Variants in ZCCHC14 observed in about 807,000 individuals in gnomAD.
ZCCHC14 encodes zinc finger CCHC domain-containing protein 14.
ZCCHC14 carries 16 observed loss-of-function variants against 85.0 expected under a neutral mutation model. The observed-to-expected ratio is 0.19, with a 90% CI of 0.13 to 0.29. The LOEUF is 0.29. ZCCHC14 is among the 10% of genes least tolerant of loss of function. The pLI is 1.00. For missense variants in ZCCHC14, 1,303 were observed against 1,443.5 expected, an observed-to-expected ratio of 0.90 and a Z score of 1.58; for synonymous variants, 775 against 630.7, an observed-to-expected ratio of 1.23 and a Z score of -3.43.
intron 1 of ZCCHC14, among the ~76,000 whole-genome samples, chr16:87,478,121 A>C (rs1392250359): frequency 1.3e-5 from 2 of 152,248 alleles, no homozygotes; most frequent in Non-Finnish European, 2.9e-5. Flanking sequence ...TACACTATTA[A>C]TGGTATGCTG....
intron 2 of ZCCHC14, among the ~76,000 whole-genome samples, chr16:87,450,898 T>C (rs1033552811): frequency 6.6e-6 from 1 of 151,300 alleles, no homozygotes; most frequent in African/African-American, 2.4e-5. Flanking sequence ...GTGAACACCT[T>C]TTCCTTTTCT....
At chr16:87,462,143 G>A (rs1911293179) in intron 1 of ZCCHC14, among the ~76,000 whole-genome samples, 1 of 148,074 alleles carries the variant, frequency 6.8e-6, no homozygotes, top group African/African-American at 2.5e-5. Flanking sequence ...AAAAGTCCTA[G>A]CCATGCAGCA....
At chr16:87,483,052 AG>A (rs1248173497) in intron 1 of ZCCHC14, among the ~76,000 whole-genome samples, 1 of 152,134 alleles carries the variant, frequency 6.6e-6, no homozygotes, top group East Asian at 1.9e-4. Context: ...TTAAAAAAAA[AG>A]AAAAGAAAAC....
At chr16:87,423,383 T>C (rs1163716066) in intron 4 of ZCCHC14, among the ~76,000 whole-genome samples, 1 of 151,934 alleles carries the variant, frequency 6.6e-6, no homozygotes, top group African/African-American at 2.4e-5. Flanking sequence ...TCCAGTCTCT[T>C]AAAAAAATAA....
At chr16:87,430,179 G>T (rs896754657) in intron 3 of ZCCHC14, among the ~76,000 whole-genome samples, 1 of 152,196 alleles carries the variant, frequency 6.6e-6, no homozygotes, top group Non-Finnish European at 1.5e-5. Context: ...TTTGTTTTGG[G>T]TTTACATTTA....
At position 87,407,907 on chromosome 16, in the gene ZCCHC14, G is replaced by A. The variant is rs920537454; in HGVS notation, c.*2373C>T. 8 of 152,684 alleles carry A rather than the reference G, an allele frequency of 5.2e-5. No homozygotes were observed. The highest frequency in any genetic ancestry group is 1.2e-4 in the Non-Finnish European group (8 of 68,070). The allele number at this position is 152,684 out of a possible 1,614,324, so 9.5% of individuals were successfully genotyped here. A position where few individuals can be genotyped will look rare whatever the true frequency, so the allele number is the denominator to read the frequency against. ...CGGAAAGAGGCCTCACGGATGGGTGGTTCCATTTTCTCTGCGCTGTGTAGC... is the reference window on the plus strand; with the variant it reads ...CGGAAAGAGGCCTCACGGATGGGTGATTCCATTTTCTCTGCGCTGTGTAGC... On this transcript the variant is annotated 3_prime_UTR_variant, in exon 13 of 13. Transcript: ENST00000671377.
intron 3 of ZCCHC14, among the ~76,000 whole-genome samples, chr16:87,424,778 C>T (rs1437649985): frequency 6.6e-6 from 1 of 152,098 alleles, no homozygotes; most frequent in Non-Finnish European, 1.5e-5. Context: ...AAGTTAGCTA[C>T]AGGATTGAGA....
At chr16:87,468,162 T>C (rs1911615709) in intron 1 of ZCCHC14, among the ~76,000 whole-genome samples, 1 of 152,224 alleles carries the variant, frequency 6.6e-6, no homozygotes, top group Non-Finnish European at 1.5e-5. Context: ...TCATGTGTTT[T>C]TTTATATGAA....
intron 7 of ZCCHC14, 30 bp from the exon 8 acceptor site, chr16:87,417,772 G>GA: frequency 6.5e-7 from 1 of 1,536,978 alleles, no homozygotes; most frequent in Non-Finnish European, 8.7e-7. Context: ...GGGACACAGA[G>GA]AGACTGTGGC....
chr16:87,451,283 G>C (rs369523958), intron 2 of ZCCHC14, among the ~76,000 whole-genome samples: 1 of 150,090 alleles, frequency 6.7e-6, no homozygotes, highest in African/African-American at 2.5e-5. Context: ...TGCAACCTTC[G>C]CCTCCCGGGT....
chr16:87,427,145 T>G (rs189780358), intron 3 of ZCCHC14, among the ~76,000 whole-genome samples: 1 of 152,216 alleles, frequency 6.6e-6, no homozygotes, highest in Non-Finnish European at 1.5e-5. Flanking sequence ...GGGTGAGACA[T>G]GAAGACACCC....
At chr16:87,455,326 G>C (rs1036921941) in intron 2 of ZCCHC14, among the ~76,000 whole-genome samples, 2 of 151,414 alleles carry the variant, frequency 1.3e-5, no homozygotes, top group African/African-American at 4.9e-5. Flanking sequence ...GAAAGTGAAC[G>C]ACTGGCTCTC....
At chr16:87,433,798 C>T (rs980919886) in intron 2 of ZCCHC14, among the ~76,000 whole-genome samples, 1 of 152,054 alleles carries the variant, frequency 6.6e-6, no homozygotes, top group Non-Finnish European at 1.5e-5. Flanking sequence ...CATGCACCAC[C>T]GTGCCTGGCT....
rs761695444 is a variant in ZCCHC14, at chr16:87,412,208, C to G, written c.2513G>C (p.Cys838Ser). The change falls in exon 12 of 13, where the codon TGT becomes TCT. Residue 838 changes from cysteine to serine, a missense_variant. Transcript: ENST00000671377. The part of the protein sequence containing the change: ...MPVGPLQGGF[C>S]ANSNTASPSS... The stretch of plus-strand genomic sequence containing the variant: ...GGGAGAGGCAGTGTTGCTGTTTGCA[C>G]AGAAGCCACCCTGCAGGGGGCCCAC... 2.5e-6 allele frequency: 4 copies of G among 1,614,000 alleles called. No homozygotes were observed. The highest frequency in any genetic ancestry group is 1.7e-4 in the Middle Eastern group (1 of 6,060).
At chr16:87,485,085 G>A (rs1912452747) in intron 1 of ZCCHC14, among the ~76,000 whole-genome samples, 1 of 152,180 alleles carries the variant, frequency 6.6e-6, no homozygotes, top group African/African-American at 2.4e-5. Context: ...CGCCCCACTG[G>A]CAAGCTGCGT....
At chr16:87,445,335 G>C (rs187607638) in intron 2 of ZCCHC14, among the ~76,000 whole-genome samples, 1 of 152,138 alleles carries the variant, frequency 6.6e-6, no homozygotes, top group Non-Finnish European at 1.5e-5. Flanking sequence ...AAAGTGCTGC[G>C]ATTACAGGCG....
intron 2 of ZCCHC14, among the ~76,000 whole-genome samples, chr16:87,440,459 CCAGCT>C (rs1910129855): frequency 6.6e-6 from 1 of 152,100 alleles, no homozygotes; most frequent in South Asian, 2.1e-4. Context: ...GCCACCGTGC[CCAGCT>C]GATTCTAAAG....
chr16:87,410,430 G>GA, intron 12 of ZCCHC14, 95 bp from the exon 13 acceptor site: 1 of 593,358 alleles, frequency 1.7e-6, no homozygotes, highest in Non-Finnish European at 3.1e-6. Context: ...CACTGGGCAA[G>GA]ATTCTGGTGC....
Position 87,491,950 on chromosome 16 carries a change from C to T in ZCCHC14, c.289G>A (p.Glu97Lys). The T allele has an allele frequency of 6.9e-7, 1 of 1,444,332 alleles. No homozygotes were observed. Among genetic ancestry groups the T allele is most frequent in the Non-Finnish European group, 9.1e-7 (1 of 1,102,236 alleles). 89.5% of individuals were successfully genotyped at this position (1,444,332 alleles called of 1,614,324 possible). A position where few individuals can be genotyped will look rare whatever the true frequency, so the allele number is the denominator to read the frequency against. The change falls in exon 1 of 13, where the codon GAG becomes AAG. Residue 97 changes from glutamate (E) to lysine (K), a missense_variant. By Grantham distance (56) the Glu-to-Lys change is moderately conservative. Transcript: ENST00000671377. The surrounding 1 kb of genome is among the most constrained non-coding windows in gnomAD (Gnocchi z 5.9). ...LLVSLALLGS[E>K]QREAAGVLYR... is the part of the protein sequence containing the mutation. ...AGCACGCCCGCCGCCTCGCGCTGCT[C>T]CGAGCCCAGCAGCGCCAGCGACACC...
Sources: allele counts gnomAD v4.1 joint callset (sites outside exome capture counted in the v4.1 genomes callset), GRCh38; gene constraint gnomAD v4.1.1; non-coding constraint Gnocchi (gnomAD v3.1); transcripts MANE v1.5; gene names NCBI Gene and HGNC (gene_info 2026-07-23, HGNC 2026-07-21).